The following MARK1 variants were observed in gnomAD, a reference collection of about 807,000 sequenced individuals.
MARK1 encodes the protein serine/threonine-protein kinase MARK1.
MARK1 carries 40 observed loss-of-function variants against 96.3 expected under a neutral mutation model. That is an observed-to-expected ratio of 0.42 (90% CI 0.32 to 0.54). The LOEUF (loss-of-function observed/expected upper bound fraction) is 0.54. Among genes scored for constraint, MARK1 ranks in the 20% least tolerant of loss-of-function variants. The probability of loss-of-function intolerance (pLI) is 0.16; values close to 1 mark genes in which losing one functional copy is unlikely to be tolerated. For synonymous variants in MARK1, 317 were observed against 341.2 expected (o/e 0.93, Z 0.78); for missense variants, 719 against 984.6 (o/e 0.73, Z 3.61).
At chr1:220,649,213 A>G (rs1334031030) in intron 13 of MARK1, among the ~76,000 whole-genome samples, 4 of 151,610 alleles carry the variant, frequency 2.6e-5, no homozygotes, top group Admixed American at 2.6e-4. Flanking sequence ...TTGCCTTAAT[A>G]ACATGGACCA....
chr1:220,626,851 G>A, intron 9 of MARK1: 1 of 420,726 alleles, frequency 2.4e-6, no homozygotes, highest in South Asian at 2.1e-5. Flanking sequence ...AGGGGGGCAT[G>A]CCAAGTGTAT....
At chr1:220,553,660 T>C (rs777434259) in intron 1 of MARK1, among the ~76,000 whole-genome samples, 2 of 152,180 alleles carry the variant, frequency 1.3e-5, no homozygotes, top group Non-Finnish European at 2.9e-5. Context: ...GAAGCTTATG[T>C]TGAATGGTAA....
At chr1:220,649,238 T>TG (rs1558323233) in intron 13 of MARK1, among the ~76,000 whole-genome samples, 31 of 151,958 alleles carry the variant, frequency 2.0e-4, no homozygotes, top group East Asian at 7.7e-4. Flanking sequence ...TTTTTTTTTT[T>TG]TGGGGGACAG....
At chr1:220,627,498 C>A in intron 9 of MARK1, 1 of 402,626 alleles carries the variant, frequency 2.5e-6, no homozygotes, top group Non-Finnish European at 4.9e-6. Flanking sequence ...CCTTTCTCCA[C>A]CAACACCTCA....
At chr1:220,604,818 A>G (rs769183706) in intron 6 of MARK1, among the ~76,000 whole-genome samples, 3 of 152,146 alleles carry the variant, frequency 2.0e-5, no homozygotes, top group Non-Finnish European at 4.4e-5. Flanking sequence ...AGTGAATTGT[A>G]AATTGTAAGC....
At chr1:220,639,435 A>AT (rs1370755136) in intron 13 of MARK1, among the ~76,000 whole-genome samples, 1 of 152,112 alleles carries the variant, frequency 6.6e-6, no homozygotes, top group Non-Finnish European at 1.5e-5. Context: ...TTTTTAATAG[A>AT]TGCATATTAT....
chr1:220,546,887 G>A (rs936165549), intron 1 of MARK1, among the ~76,000 whole-genome samples: 2 of 151,614 alleles, frequency 1.3e-5, no homozygotes, highest in East Asian at 1.9e-4. Context: ...CAGGAGAATC[G>A]CTTGAACCCT....
intron 1 of MARK1, among the ~76,000 whole-genome samples, chr1:220,532,811 G>C: frequency 6.6e-6 from 1 of 152,010 alleles, no homozygotes; most frequent in East Asian, 1.9e-4. Flanking sequence ...TTCGAGACCA[G>C]CATGGGCAAC....
chr1:220,549,207 A>G (rs968582629), intron 1 of MARK1, among the ~76,000 whole-genome samples: 4 of 152,208 alleles, frequency 2.6e-5, no homozygotes, highest in African/African-American at 9.6e-5. Flanking sequence ...TAGCTCTAGC[A>G]TTTATTAGAT....
chr1:220,603,694 C>T (rs374480348), intron 5 of MARK1, among the ~76,000 whole-genome samples: 8 of 151,966 alleles, frequency 5.3e-5, no homozygotes, highest in African/African-American at 1.4e-4. Flanking sequence ...TTGTTTGAAA[C>T]GTAGGCCCCA....
At chr1:220,652,651 T>A (rs1341599582) in intron 15 of MARK1, among the ~76,000 whole-genome samples, 1 of 152,230 alleles carries the variant, frequency 6.6e-6, no homozygotes, top group Non-Finnish European at 1.5e-5. Flanking sequence ...ATTCAGTACA[T>A]CTGAACATTT....
intron 1 of MARK1, among the ~76,000 whole-genome samples, chr1:220,540,505 T>C (rs980189731): frequency 6.6e-6 from 1 of 152,226 alleles, no homozygotes. Context: ...CAAAATAATA[T>C]TTTGCCAGCT....
chr1:220,598,183 G>T, intron 3 of MARK1, 148 bp from the exon 4 acceptor site: 1 of 350,110 alleles, frequency 2.9e-6, no homozygotes, highest in Non-Finnish European at 5.8e-6. Flanking sequence ...TACAGAGTTG[G>T]GACTGAGAAA....
rs1667923255 is a variant in MARK1, at chr1:220,635,725, G to A, written c.1277-108G>A. 19 of 1,176,140 alleles carry A rather than the reference G, an allele frequency of 1.6e-5. 1 individual carries two copies. The South Asian group carries it at 3.1e-4, about 19-fold the overall frequency. The allele number at this position is 1,176,140 out of a possible 1,614,324, so 72.9% of individuals were successfully genotyped here. A position where few individuals can be genotyped will look rare whatever the true frequency, so the allele number is the denominator to read the frequency against. ...AATCAAAATTTAATCTTCGTTCAGA[G>A]TTTAAAGCATGCAAATATGGATAAT... On this transcript the variant is annotated intron_variant, in intron 12 of 17. Coordinates refer to ENST00000366917, the MANE Select transcript of MARK1 (RefSeq NM_018650.5).
intron 3 of MARK1, among the ~76,000 whole-genome samples, chr1:220,591,802 T>G (rs2102880352): frequency 6.6e-6 from 1 of 152,296 alleles, no homozygotes; most frequent in Non-Finnish European, 1.5e-5. Context: ...TTATTTACCT[T>G]GTACAGATCA....
At chr1:220,550,294 AT>A (rs1464190001) in intron 1 of MARK1, among the ~76,000 whole-genome samples, 1 of 152,154 alleles carries the variant, frequency 6.6e-6, no homozygotes, top group Non-Finnish European at 1.5e-5. Context: ...TAATGCTTAT[AT>A]TTTTGCCCCT....
Position 220,650,574 on chromosome 1 carries a change from C to T in MARK1, c.1471-46C>T, listed in dbSNP as rs749102813. ...TTAAATACATTTCTTTGGCTTTCCA[C>T]AAATATATTTATAATTTTTTAATTG... On this transcript the variant is annotated intron_variant, in intron 13 of 17. Coordinates refer to ENST00000366917, the MANE Select transcript of MARK1 (RefSeq NM_018650.5). 3 of 1,267,516 alleles carry T rather than the reference C, an allele frequency of 2.4e-6. No individual in the cohort carries two copies. The Admixed American group carries it at 5.4e-5, about 23-fold the overall frequency. 78.5% of individuals were successfully genotyped at this position (1,267,516 alleles called of 1,614,324 possible). A position where few individuals can be genotyped will look rare whatever the true frequency, so the allele number is the denominator to read the frequency against.
chr1:220,649,443 G>A (rs1668754713), intron 13 of MARK1, among the ~76,000 whole-genome samples: 2 of 152,038 alleles, frequency 1.3e-5, no homozygotes, highest in Admixed American at 1.3e-4. Flanking sequence ...TGCCTAGGCT[G>A]GTCTTGAACT....
chr1:220,618,303 C>T lies in MARK1; in HGVS notation c.553-7C>T. ...TTACATTGTTCTTTCTATTATTTTCCTCTTAGGCTGAAAACCTTCTCCTTG... is the reference window on the plus strand; with the variant it reads ...TTACATTGTTCTTTCTATTATTTTCTTCTTAGGCTGAAAACCTTCTCCTTG... On this transcript the variant is annotated splice_polypyrimidine_tract_variant and splice_region_variant and intron_variant, in intron 7 of 17. Transcript: ENST00000366917. The surrounding 1 kb of genome is among the most constrained non-coding windows in gnomAD (Gnocchi z 4.6). 6.5e-7 allele frequency: 1 copy of T among 1,535,864 alleles called. No individual in the cohort carries two copies. Among genetic ancestry groups the T allele is most frequent in the Non-Finnish European group, 9.0e-7 (1 of 1,109,622 alleles).
Sources: allele counts gnomAD v4.1 joint callset (sites outside exome capture counted in the v4.1 genomes callset), GRCh38; gene constraint gnomAD v4.1.1; non-coding constraint Gnocchi (gnomAD v3.1); transcripts MANE v1.5; gene names NCBI Gene and HGNC (gene_info 2026-07-23, HGNC 2026-07-21).